The following LNX1 variants were observed in gnomAD, a reference collection of about 807,000 sequenced individuals.
LNX1 encodes the protein E3 ubiquitin-protein ligase LNX.
A neutral mutation model predicts 68.4 loss-of-function variants in LNX1; 54 were observed. The ratio of observed to expected loss-of-function variants is 0.79; its 90% confidence interval spans 0.63 to 0.99. The LOEUF is 0.99. Among genes scored for constraint, LNX1 ranks in the 50% least tolerant of loss-of-function variants. LNX1 has a pLI of 0.00. For synonymous variants in LNX1, 336 were observed against 350.0 expected (o/e 0.96, Z 0.45); for missense variants, 906 against 926.4 (o/e 0.98, Z 0.29).
At chr4:53,641,014 A>C (rs1734661063) in intron 1 of LNX1, among the ~76,000 whole-genome samples, 2 of 152,198 alleles carry the variant, frequency 1.3e-5, no homozygotes, top group Non-Finnish European at 2.9e-5. Context: ...GCTGGCTGCT[A>C]ATTGGAGCTT....
upstream of LNX1, among the ~76,000 whole-genome samples, chr4:53,593,512 AAAATAGAG>A (rs1415788575): frequency 1.8e-4 from 28 of 152,362 alleles, no homozygotes; most frequent in African/African-American, 6.5e-4. Flanking sequence ...AAACAGAAAG[AAAATAGAG>A]AAATAAGAGT....
rs1434140290 is a variant in LNX1 at position 53,508,174 on chromosome 4, T to C, written c.434A>G (p.Gln145Arg). The C allele has an allele frequency of 2.5e-6, 4 of 1,614,082 alleles. No homozygotes were observed. Among genetic ancestry groups the C allele is most frequent in the Admixed American group, 1.7e-5 (1 of 60,014 alleles). ...GLTKDRKRRSQDGCPDGCASL... is the reference protein window; with the variant it reads ...GLTKDRKRRSRDGCPDGCASL... The stretch of plus-strand genomic sequence containing the variant: ...CGCACAGCCGTCTGGACAGCCATCT[T>C]GTGAGCGCCTCTTCCTATCTTTGGT... The change falls in exon 3 of 11, where the codon CAA becomes CGA. Residue 145 changes from glutamine (Q) to arginine (R), a missense_variant. Transcript: ENST00000263925.
At chr4:53,520,437 CA>C (rs1415415272) in intron 2 of LNX1, among the ~76,000 whole-genome samples, 7 of 152,306 alleles carry the variant, frequency 4.6e-5, no homozygotes, top group African/African-American at 1.7e-4. Context: ...GTCAATTCTT[CA>C]GAGACGCCAG....
chr4:53,503,899 C>T (rs535602880), intron 4 of LNX1, among the ~76,000 whole-genome samples: 4 of 152,138 alleles, frequency 2.6e-5, no homozygotes, highest in African/African-American at 7.2e-5. Flanking sequence ...TTTGGGAGGC[C>T]GAGGCAGGCG....
chr4:53,555,399 C>T (rs1729837653), intron 2 of LNX1, among the ~76,000 whole-genome samples: 1 of 152,150 alleles, frequency 6.6e-6, no homozygotes, highest in Admixed American at 6.5e-5. Flanking sequence ...CAGCTTAAAC[C>T]CCCAACTCCT....
At chr4:53,641,271 G>C (rs1417025126) in intron 1 of LNX1, among the ~76,000 whole-genome samples, 2 of 152,214 alleles carry the variant, frequency 1.3e-5, no homozygotes, top group Non-Finnish European at 2.9e-5. Flanking sequence ...TATATCCAGT[G>C]CATTCTGATC....
rs754800365 is a variant in LNX1, at chr4:53,496,371, A to G, written c.1002T>C (p.Asn334=). ...GACGCACAGCGTAGTTGTGAGGGAC[A>G]TTGCTGATGTCCATCCCGTTGACCT... ...ILKVNGMDIS[N]VPHNYAVRLL... The change falls in exon 6 of 11, where the codon AAT becomes AAC. Residue 334 remains asparagine (N), a synonymous_variant. Transcript: ENST00000263925. 7.4e-6 allele frequency: 12 copies of G among 1,611,524 alleles called. No homozygotes were observed. The highest frequency in any genetic ancestry group is 9.3e-6 in the Non-Finnish European group (11 of 1,178,068).
chr4:53,478,527 T>G, intron 8 of LNX1, 38 bp downstream of exon 8: 2 of 1,547,410 alleles, frequency 1.3e-6, no homozygotes, highest in Non-Finnish European at 8.8e-7. Flanking sequence ...CTTGATTCTC[T>G]GCCACCCCAG....
intron 7 of LNX1, among the ~76,000 whole-genome samples, chr4:53,481,293 C>T (rs1723896486): frequency 6.6e-6 from 1 of 152,186 alleles, no homozygotes; most frequent in South Asian, 2.1e-4. Flanking sequence ...GGCCCTTCGG[C>T]AAACACAAAC....
rs1412755994 is a variant in LNX1, at chr4:53,460,992, A to C, written c.2102T>G (p.Ile701Arg). ...CAGCAGTCTTGCCAAGCAAGCATGT[A>C]TCATTCCTGATGTACTTCTACCATT... ...AVNGRSTSGM[I>R]HACLARLLKE... The change falls in exon 11 of 11, where the codon ATA becomes AGA. Residue 701 changes from isoleucine to arginine, a missense_variant. Transcript: ENST00000263925. 1.2e-6 allele frequency: 2 copies of C among 1,607,746 alleles called. No homozygotes were observed. Among genetic ancestry groups the C allele is most frequent in the African/African-American group, 2.7e-5 (2 of 74,506 alleles).
At chr4:53,508,353 G>C in intron 2 of LNX1, 126 bp from the exon 3 acceptor site, 1 of 1,159,138 alleles carries the variant, frequency 8.6e-7, no homozygotes, top group Non-Finnish European at 1.2e-6. Flanking sequence ...TGATTTGCCT[G>C]CCGCTATATC....
upstream of LNX1, among the ~76,000 whole-genome samples, chr4:53,621,305 C>T (rs898340996): frequency 1.3e-5 from 2 of 152,158 alleles, no homozygotes; most frequent in African/African-American, 4.8e-5. Flanking sequence ...CCCTCTGGGA[C>T]CCCAGAGAAG....
intron 2 of LNX1, among the ~76,000 whole-genome samples, chr4:53,600,525 A>G (rs1407754010): frequency 6.6e-6 from 1 of 152,120 alleles, no homozygotes; most frequent in Admixed American, 6.5e-5. Flanking sequence ...TAAATTAAAG[A>G]ATACAAGAAA....
intron 2 of LNX1, among the ~76,000 whole-genome samples, chr4:53,546,494 A>G (rs1283914211): frequency 6.6e-6 from 1 of 152,254 alleles, no homozygotes. Flanking sequence ...GACACATATC[A>G]TAAAACGATG....
At chr4:53,567,539 A>G (rs1489383851) in intron 2 of LNX1, among the ~76,000 whole-genome samples, 1 of 152,262 alleles carries the variant, frequency 6.6e-6, no homozygotes, top group Non-Finnish European at 1.5e-5. Flanking sequence ...CACAAGAGAA[A>G]GCAGGAAAGA....
Position 53,461,543 on chromosome 4 carries a change from C to CTTCCAGCTGTGT in LNX1, c.1931_1942dup (p.Asn644_Gly647dup). 1 of 1,612,154 alleles carries CTTCCAGCTGTGT rather than the reference C, an allele frequency of 6.2e-7. No individual in the cohort carries two copies. Among genetic ancestry groups the CTTCCAGCTGTGT allele is most frequent in the Non-Finnish European group, 8.5e-7 (1 of 1,178,640 alleles). ...ACCTCCTACAATGCAGAAGCCCAGACTTCCAGCTGTGTTTCTTCGTAATAC... is the reference window on the plus strand; with the variant it reads ...ACCTCCTACAATGCAGAAGCCCAGACTTCCAGCTGTGTTTCCAGCTGTGTTTCTTCGTAATAC... On this transcript the variant is annotated inframe_insertion, in exon 10 of 11. Transcript: ENST00000263925.
intron 2 of LNX1, chr4:53,557,903 C>T: frequency 6.2e-7 from 1 of 1,613,398 alleles, no homozygotes; most frequent in Non-Finnish European, 8.5e-7. Context: ...GCAGGTTGCC[C>T]ACATTGTCAA....
At chr4:53,526,476 A>T (rs367838246) in intron 2 of LNX1, among the ~76,000 whole-genome samples, 1 of 152,130 alleles carries the variant, frequency 6.6e-6, no homozygotes, top group Non-Finnish European at 1.5e-5. Flanking sequence ...TTAAAGCCCA[A>T]TGAAAACCCT....
intron 6 of LNX1, among the ~76,000 whole-genome samples, chr4:53,493,134 T>A (rs1724822037): frequency 6.6e-6 from 1 of 151,980 alleles, no homozygotes; most frequent in Non-Finnish European, 1.5e-5. Flanking sequence ...CACACCCAGC[T>A]AATTTTGTAT....
Sources: allele counts gnomAD v4.1 joint callset (sites outside exome capture counted in the v4.1 genomes callset), GRCh38; gene constraint gnomAD v4.1.1; transcripts MANE v1.5; gene names NCBI Gene and HGNC (gene_info 2026-07-23, HGNC 2026-07-21).